PEAR1: variants seen among roughly 807,000 people sequenced by gnomAD.
PEAR1 encodes multiple EGF-like domains protein 12.
Under a neutral mutation model 131.2 loss-of-function variants are expected in PEAR1, and 113 were observed. That is an observed-to-expected ratio of 0.86 (90% CI 0.74 to 1.01). PEAR1 has a LOEUF of 1.01. Among genes scored for constraint, PEAR1 ranks in the 50% least tolerant of loss-of-function variants. PEAR1 has a pLI of 0.00. For missense variants in PEAR1, 1,408 were observed against 1,391.1 expected (o/e 1.01, Z -0.19); for synonymous variants, 565 against 523.3 (o/e 1.08, Z -1.09).
At position 156,914,884 on chromosome 1, in the gene PEAR1, A is replaced by G; in HGVS notation, c.*86A>G. The G allele has an allele frequency of 1.4e-6, 2 of 1,458,036 alleles. No homozygotes were observed. The highest frequency in any genetic ancestry group is 1.9e-6 in the Non-Finnish European group (2 of 1,069,450). 90.3% of individuals were successfully genotyped at this position (1,458,036 alleles called of 1,614,324 possible). On this transcript the variant is annotated 3_prime_UTR_variant, in exon 23 of 23. Coordinates refer to ENST00000292357, the MANE Select transcript of PEAR1 (RefSeq NM_001080471.3). ...CAGAGCCTAGTGTACCCCTGCCAGG[A>G]GCAGGGAGTGGACCGGCAGGCTGTG...
rs1262768805 is a variant in PEAR1, at chr1:156,912,563, A to G, written c.2150A>G (p.His717Arg). Reference protein sequence around the residue: ...PCQCGPGEKCHPETGACVCPP... With the variant: ...PCQCGPGEKCRPETGACVCPP... ...CAGTGTGGTCCTGGAGAAAAGTGCC[A>G]CCCAGAGACTGGGGCCTGTGTATGT... is the stretch of plus-strand genomic sequence containing the variant. Residue 717 changes from histidine (H) to arginine (R), a missense_variant, in exon 17 of 23, where the codon CAC becomes CGC. By Grantham distance (29) the His-to-Arg change is conservative (BLOSUM62 0). Transcript: ENST00000292357. 6.2e-7 allele frequency: 1 copy of G among 1,613,988 alleles called. No homozygotes were observed. The highest frequency in any genetic ancestry group is 1.7e-5 in the Admixed American group (1 of 60,018).
At position 156,912,309 on chromosome 1, in the gene PEAR1, A is replaced by T. The variant is rs200344608; in HGVS notation, c.2014A>T (p.Thr672Ser). 1 of 1,613,972 alleles carries T rather than the reference A, an allele frequency of 6.2e-7. No individual in the cohort carries two copies. The highest frequency in any genetic ancestry group is 8.5e-7 in the Non-Finnish European group (1 of 1,179,966). Residue 672 changes from threonine to serine, a missense_variant, in exon 16 of 23, where the codon ACC (threonine) becomes TCC (serine). Physicochemically the swap from Thr to Ser is moderately conservative, Grantham distance 58. Coordinates refer to ENST00000292357, the MANE Select transcript of PEAR1 (RefSeq NM_001080471.3). ...AQTCQCHHGG[T>S]CHPQDGSCIC... ...GACCTGCCAATGTCACCATGGTGGGACCTGCCATCCCCAGGATGGGAGCTG... is the reference window on the plus strand; with the variant it reads ...GACCTGCCAATGTCACCATGGTGGGTCCTGCCATCCCCAGGATGGGAGCTG...
intron 1 of PEAR1, among the ~76,000 whole-genome samples, chr1:156,897,637 G>C (rs911593354): frequency 2.0e-5 from 3 of 152,254 alleles, no homozygotes; most frequent in Non-Finnish European, 1.5e-5. Context: ...GAGGCCACGC[G>C]GGTCTGTGGT....
chr1:156,897,867 C>T (rs557383808), intron 1 of PEAR1, among the ~76,000 whole-genome samples: 1 of 152,252 alleles, frequency 6.6e-6, no homozygotes, highest in African/African-American at 2.4e-5. Context: ...GGTAATGAAG[C>T]TGGACCCCCT....
In PEAR1 at chr1:156,916,328, GT is replaced by G. The variant is rs1440364931; in HGVS notation, c.*1531del. The G allele has an allele frequency of 3.9e-5, 6 of 152,238 alleles. No individual in the cohort carries two copies. Among genetic ancestry groups the G allele is most frequent in the Admixed American group, 2.6e-4 (4 of 15,294 alleles). The allele number at this position is 152,238 out of a possible 1,614,324, so 9.4% of individuals were successfully genotyped here. A position where few individuals can be genotyped will look rare whatever the true frequency, so the allele number is the denominator to read the frequency against. ...TCAAGCATTTTCATTGTTATTATAT[GT>G]GTTATAGTGATCTGTGATCAGTGAT... is the stretch of plus-strand genomic sequence containing the variant. On this transcript the variant is annotated 3_prime_UTR_variant, in exon 23 of 23. Coordinates refer to ENST00000292357, the MANE Select transcript of PEAR1 (RefSeq NM_001080471.3).
At chr1:156,905,084 G>T (rs942336597) in intron 3 of PEAR1, 99 of 1,055,782 alleles carry the variant, frequency 9.4e-5, no homozygotes, top group East Asian at 8.1e-4. Flanking sequence ...TGTGGGGTTG[G>T]GGGGGGGGCA....
At chr1:156,905,849 C>T (rs1311465910) in intron 4 of PEAR1, among the ~76,000 whole-genome samples, 2 of 152,090 alleles carry the variant, frequency 1.3e-5, no homozygotes, top group South Asian at 2.1e-4. Context: ...GTCTCTCCTG[C>T]CCACTGCACC....
At chr1:156,909,591 C>T (rs763639197) in intron 11 of PEAR1, among the ~76,000 whole-genome samples, 160 bp from the exon 12 acceptor site, 13 of 152,312 alleles carry the variant, frequency 8.5e-5, no homozygotes, top group Admixed American at 2.0e-4. Context: ...CCTTCTGCTC[C>T]GCATCAAATA....
At position 156,909,798 on chromosome 1, in the gene PEAR1, G is replaced by T; in HGVS notation, c.1459G>T (p.Gly487Cys). Reference protein sequence around the residue: ...CSVPCPPGTWGFSCNASCQCA... With the variant: ...CSVPCPPGTWCFSCNASCQCA... ...TGTGCCCTGCCCACCCGGAACCTGG[G>T]GCTTCAGTTGCAATGCCAGCTGCCA... The change falls in exon 12 of 23, where the codon GGC becomes TGC. Residue 487 changes from glycine to cysteine, a missense_variant. Transcript: ENST00000292357. 1.2e-6 allele frequency: 2 copies of T among 1,613,984 alleles called. No individual in the cohort carries two copies. The highest frequency in any genetic ancestry group is 1.7e-6 in the Non-Finnish European group (2 of 1,179,886).
In PEAR1 at chr1:156,914,488, G is replaced by A. The variant is rs562626783; in HGVS notation, c.2963-159G>A. On this transcript the variant is annotated intron_variant, in intron 22 of 22. Transcript: ENST00000292357. ...AGCTAAGAGAGTTTTGCTTGGAGCC[G>A]CACGGCCAGCTGATAGTAAACTGGT... 4.6e-5 allele frequency among the ~76,000 whole-genome samples: 7 copies of A among 152,312 alleles called. No homozygotes were observed. The South Asian group carries it at 8.3e-4, about 18-fold the overall frequency.
intron 1 of PEAR1, among the ~76,000 whole-genome samples, chr1:156,900,462 G>C (rs1649574215): frequency 6.6e-6 from 1 of 152,112 alleles, no homozygotes; most frequent in South Asian, 2.1e-4. Context: ...CAGCAGCCTG[G>C]ATTTGGATCC....
chr1:156,909,739 C>A lies in PEAR1; in HGVS notation c.1412-12C>A. The A allele has an allele frequency of 1.3e-6, 2 of 1,588,890 alleles. No individual in the cohort carries two copies. Among genetic ancestry groups the A allele is most frequent in the Non-Finnish European group, 1.7e-6 (2 of 1,164,080 alleles). On this transcript the variant is annotated splice_polypyrimidine_tract_variant and intron_variant, in intron 11 of 22. Transcript: ENST00000292357. Reference sequence around the variant, plus strand: ...TGGGTCCCCATACCTACCTACCAGGCCCCTCCTCCAGGTTGGCAGCGTGGT... The same window carrying A: ...TGGGTCCCCATACCTACCTACCAGGACCCTCCTCCAGGTTGGCAGCGTGGT...
At position 156,906,899 on chromosome 1, in the gene PEAR1, G is replaced by C. The variant is rs780811571; in HGVS notation, c.644+19G>C. 6.2e-7 allele frequency: 1 copy of C among 1,610,442 alleles called. No individual in the cohort carries two copies. The highest frequency in any genetic ancestry group is 8.5e-7 in the Non-Finnish European group (1 of 1,178,086). ...GGCCCAGGTATGTAATGGGGGGAAC[G>C]ACACTTTAACAAGATCGCAGACACA... On this transcript the variant is annotated intron_variant, in intron 6 of 22. Coordinates refer to ENST00000292357, the MANE Select transcript of PEAR1 (RefSeq NM_001080471.3).
At chr1:156,899,313 G>A (rs1276173077) in intron 1 of PEAR1, among the ~76,000 whole-genome samples, 2 of 152,274 alleles carry the variant, frequency 1.3e-5, no homozygotes, top group East Asian at 3.9e-4. Flanking sequence ...CAGTCGGACC[G>A]AGCAAGGAAC....
At chr1:156,907,034 T>G (rs1419218296) in intron 6 of PEAR1, among the ~76,000 whole-genome samples, 154 bp downstream of exon 6, 4 of 152,098 alleles carry the variant, frequency 2.6e-5, no homozygotes, top group African/African-American at 9.7e-5. Context: ...TCCTCACGAG[T>G]GGAGTGACCT....
At chr1:156,897,537 G>C (rs1649279381) in intron 1 of PEAR1, among the ~76,000 whole-genome samples, 1 of 152,218 alleles carries the variant, frequency 6.6e-6, no homozygotes, top group South Asian at 2.1e-4. Flanking sequence ...CTGGGGTTTG[G>C]GGAGGTGTGG....
intron 1 of PEAR1, among the ~76,000 whole-genome samples, chr1:156,898,951 A>G (rs1262769605): frequency 6.6e-6 from 1 of 152,240 alleles, no homozygotes; most frequent in African/African-American, 2.4e-5. Flanking sequence ...GTTTCTGATG[A>G]AGAACAAGAC....
In PEAR1 at chr1:156,915,527, C is replaced by T. The variant is rs972697815; in HGVS notation, c.*729C>T. On this transcript the variant is annotated 3_prime_UTR_variant, in exon 23 of 23. Transcript: ENST00000292357. ...CTTCTTTCTGGCACAGGGACCTGCA[C>T]ACCTGGAGTGCCCTTCCTCCCCCAC... 6.6e-6 allele frequency: 1 copy of T among 152,392 alleles called. No individual in the cohort carries two copies. Among genetic ancestry groups the T allele is most frequent in the Non-Finnish European group, 1.5e-5 (1 of 68,156 alleles). 9.4% of individuals were successfully genotyped at this position (152,392 alleles called of 1,614,324 possible).
intron 1 of PEAR1, among the ~76,000 whole-genome samples, chr1:156,894,545 G>T (rs148638808): frequency 7.1e-4 from 108 of 152,310 alleles, no homozygotes; most frequent in African/African-American, 2.5e-3. Flanking sequence ...AGGACTGGGG[G>T]TTCAGCTTGA....
Sources: gnomAD v4.1 joint callset for allele counts (sites outside exome capture counted in the v4.1 genomes callset) on GRCh38, gnomAD v4.1.1 for gene constraint, MANE v1.5 for transcripts, NCBI Gene and HGNC (gene_info 2026-07-23, HGNC 2026-07-21) for gene names.